ENTPD1: variants seen among roughly 807,000 people sequenced by gnomAD.
The protein encoded by ENTPD1 is ATP diphosphohydrolase.
In ENTPD1, 33 loss-of-function variants were observed where a neutral mutation model predicts 57.0. The observed-to-expected ratio is 0.58, with a 90% confidence interval of 0.44 to 0.77. The LOEUF is 0.77. ENTPD1 is among the 30% of genes least tolerant of loss of function. The pLI is 0.00. For missense variants in ENTPD1, 501 were observed against 603.4 expected (o/e 0.83, Z 1.78); for synonymous variants, 202 against 218.8 (o/e 0.92, Z 0.68).
At chr10:95,714,980 A>T (rs2097969872) in intron 1 of ENTPD1, among the ~76,000 whole-genome samples, 3 of 152,230 alleles carry the variant, frequency 2.0e-5, no homozygotes, top group Admixed American at 2.0e-4. Context: ...GAATGAAAAG[A>T]ATCGTTAAGT....
At chr10:95,856,651 CATATAT>C (rs66753059) in intron 7 of ENTPD1, among the ~76,000 whole-genome samples, 1 of 142,206 alleles carries the variant, frequency 7.0e-6, no homozygotes, top group Non-Finnish European at 1.5e-5. Context: ...TATATGTATG[CATATAT>C]ATATATATAT....
intron 1 of ENTPD1, among the ~76,000 whole-genome samples, chr10:95,776,560 T>A (rs2098134845): frequency 6.6e-6 from 1 of 152,204 alleles, no homozygotes; most frequent in African/African-American, 2.4e-5. Context: ...TTCTCTCTGG[T>A]TGCCCTTAAC....
Position 95,715,510 on chromosome 10 carries a change from G to T in ENTPD1, c.37+3517G>T, listed in dbSNP as rs78822448. On this transcript the variant is annotated intron_variant, in intron 1 of 9. Transcript: ENST00000453258. ...TTTTTAATACATCCTGACAATTTTT[G>T]TCTTTTGATTAAACTGTTTAGTTCA... Among the ~76,000 whole-genome samples the T allele has an allele frequency of 3.3e-3, 503 of 150,738 alleles. 2 individuals carry two copies. The highest frequency in any genetic ancestry group is 0.012 in the African/African-American group (476 of 41,030).
chr10:95,853,408 T>C (rs895193185), intron 7 of ENTPD1, among the ~76,000 whole-genome samples: 2 of 152,222 alleles, frequency 1.3e-5, no homozygotes, highest in African/African-American at 4.8e-5. Flanking sequence ...CTTTTCCTAA[T>C]TGAATGCCCT....
In ENTPD1 at chr10:95,872,574, C is replaced by T. The variant is rs1260596569; in HGVS notation, c.*6191C>T. On this transcript the variant is annotated 3_prime_UTR_variant, in exon 10 of 10. Coordinates refer to ENST00000371205, the MANE Select transcript of ENTPD1 (RefSeq NM_001776.6). Reference sequence around the variant, plus strand: ...TACCACAACCCTTTAACTGAGCCTCCATTAGTGCACTGAGACCATTCTGTT... The same window carrying T: ...TACCACAACCCTTTAACTGAGCCTCTATTAGTGCACTGAGACCATTCTGTT... 5 of 985,310 alleles carry T rather than the reference C, an allele frequency of 5.1e-6. No homozygotes were observed. Among genetic ancestry groups the T allele is most frequent in the Non-Finnish European group, 6.0e-6 (5 of 829,930 alleles). The allele number at this position is 985,310 out of a possible 1,614,324, so 61.0% of individuals were successfully genotyped here.
rs1213666588 is a variant in ENTPD1, at chr10:95,867,414, G to A, written c.*1031G>A. 1.0e-6 allele frequency: 1 copy of A among 985,308 alleles called. No homozygotes were observed. The highest frequency in any genetic ancestry group is 1.1e-4 in the East Asian group (1 of 8,834). 61.0% of individuals were successfully genotyped at this position (985,308 alleles called of 1,614,324 possible). On this transcript the variant is annotated 3_prime_UTR_variant, in exon 10 of 10. Coordinates refer to ENST00000371205, the MANE Select transcript of ENTPD1 (RefSeq NM_001776.6). The stretch of plus-strand genomic sequence containing the variant: ...ATAGATCTTTTGTGTTTACAGCTAT[G>A]GAAACCAACTGTACCATAAAGATAG...
chr10:95,863,801 G>A (rs2098469459), intron 8 of ENTPD1, among the ~76,000 whole-genome samples: 1 of 152,184 alleles, frequency 6.6e-6, no homozygotes, highest in Non-Finnish European at 1.5e-5. Flanking sequence ...GGTACATGAT[G>A]CATGCATAAC....
rs973709411 is a variant in ENTPD1 at position 95,860,582 on chromosome 10, G to A, written c.1188G>A (p.Glu396=). The change falls in exon 8 of 10, where the codon GAG becomes GAA. Residue 396 remains glutamate, a splice_region_variant and synonymous_variant. Transcript: ENST00000371205. Reference sequence around the variant, plus strand: ...AGTTCTGTGCTCAGCCTTGGGAGGAGGTAAGTGACTAGGCACAGCAGCTCT... The same window carrying A: ...AGTTCTGTGCTCAGCCTTGGGAGGAAGTAAGTGACTAGGCACAGCAGCTCT... ...MKKFCAQPWE[E]IKTSYAGVKE... 6.2e-7 allele frequency: 1 copy of A among 1,612,852 alleles called. No individual in the cohort carries two copies. Among genetic ancestry groups the A allele is most frequent in the African/African-American group, 1.3e-5 (1 of 74,900 alleles).
intron 2 of ENTPD1, among the ~76,000 whole-genome samples, chr10:95,831,248 T>C (rs2098395837): frequency 6.6e-6 from 1 of 152,202 alleles, no homozygotes; most frequent in South Asian, 2.1e-4. Flanking sequence ...CTTTCAGCTG[T>C]CCTGTACTCA....
chr10:95,694,745 G>A, the ENTPD1 span, among the ~76,000 whole-genome samples: 1 of 151,996 alleles, frequency 6.6e-6, no homozygotes, highest in Non-Finnish European at 1.5e-5. Flanking sequence ...CGGGAATGGC[G>A]TGCCTCTTCC....
intron 4 of ENTPD1, chr10:95,843,299 A>C (rs2098426332): frequency 6.6e-6 from 1 of 152,244 alleles, no homozygotes; most frequent in African/African-American, 2.4e-5. Context: ...CGGATGTGCA[A>C]AGGTAGGGAA....
At chr10:95,829,026 A>G (rs1239266333) in intron 2 of ENTPD1, among the ~76,000 whole-genome samples, 2 of 152,110 alleles carry the variant, frequency 1.3e-5, no homozygotes, top group Admixed American at 6.5e-5. Flanking sequence ...CATTTTATAG[A>G]TAACAAAATC....
intron 1 of ENTPD1, among the ~76,000 whole-genome samples, chr10:95,765,210 A>G (rs1296458718): frequency 6.6e-6 from 1 of 152,180 alleles, no homozygotes; most frequent in Admixed American, 6.5e-5. Flanking sequence ...TATTCAATCT[A>G]TAGTTTCTTT....
intron 1 of ENTPD1, among the ~76,000 whole-genome samples, chr10:95,746,396 C>T (rs2098006124): frequency 1.3e-5 from 2 of 152,044 alleles, no homozygotes; most frequent in South Asian, 4.2e-4. Flanking sequence ...TGTCTAAGAT[C>T]ATACAAAAAG....
intron 1 of ENTPD1, chr10:95,756,574 T>C (rs1049324341): frequency 2.9e-6 from 1 of 348,594 alleles, no homozygotes; most frequent in Non-Finnish European, 5.3e-6. Context: ...AAGAGGCAGC[T>C]GCCTCATCTG....
At chr10:95,839,875 A>G in intron 3 of ENTPD1, 67 bp downstream of exon 3, 1 of 1,509,290 alleles carries the variant, frequency 6.6e-7, no homozygotes, top group Non-Finnish European at 9.2e-7. Context: ...GTGTATGACC[A>G]GTAGAACACA....
intron 6 of ENTPD1, among the ~76,000 whole-genome samples, chr10:95,847,065 T>C (rs540519165): frequency 1.3e-5 from 2 of 152,318 alleles, no homozygotes; most frequent in South Asian, 2.1e-4. Context: ...TTTTAAATTA[T>C]GTAGGCTCCT....
chr10:95,795,655 T>G (rs968834973), intron 1 of ENTPD1, among the ~76,000 whole-genome samples: 1 of 152,204 alleles, frequency 6.6e-6, no homozygotes, highest in Non-Finnish European at 1.5e-5. Context: ...TAAAATTTTA[T>G]CTAGAACATG....
chr10:95,747,927 A>C (rs1253854140), intron 1 of ENTPD1, among the ~76,000 whole-genome samples: 1 of 150,514 alleles, frequency 6.6e-6, no homozygotes, highest in African/African-American at 2.5e-5. Flanking sequence ...GCTGGAGTGC[A>C]GTGGCACCAT....
Sources: gnomAD v4.1 joint callset for allele counts (sites outside exome capture counted in the v4.1 genomes callset) on GRCh38, gnomAD v4.1.1 for gene constraint, MANE v1.5 for transcripts, NCBI Gene and HGNC (gene_info 2026-07-23, HGNC 2026-07-21) for gene names.